TASOR2: variants seen among roughly 807,000 people sequenced by gnomAD.
TASOR2 encodes the protein transcription activation suppressor family member 2, also known as protein TASOR 2.
TASOR2 carries 84 observed loss-of-function variants against 199.5 expected under a neutral mutation model. The observed-to-expected ratio is 0.42, with a 90% confidence interval of 0.35 to 0.50. The LOEUF (loss-of-function observed/expected upper bound fraction) is 0.50, where lower values mean the gene tolerates loss of function less well. Ranked by LOEUF, TASOR2 falls within the 20% of genes least tolerant of loss-of-function variation. TASOR2 has a pLI of 0.02. For missense variants in TASOR2, 2,796 were observed against 2,835.9 expected, an observed-to-expected ratio of 0.99 and a Z score of 0.32; for synonymous variants, 1,103 against 1,046.6, an observed-to-expected ratio of 1.05 and a Z score of -1.04.
chr10:5,720,451 G>A lies in TASOR2; in HGVS notation c.-99-93G>A. The A allele has an allele frequency of 4.9e-6, 7 of 1,425,134 alleles. No homozygotes were observed. Among genetic ancestry groups the A allele is most frequent in the South Asian group, 4.8e-5 (3 of 62,498 alleles). 88.3% of individuals were successfully genotyped at this position (1,425,134 alleles called of 1,614,324 possible). A position where few individuals can be genotyped will look rare whatever the true frequency, so the allele number is the denominator to read the frequency against. ...CAAGATATATTTCTGACTCTAATGTGTTAAATTTCAGGGCTCGGTGGGGTT... is the reference window on the plus strand; with the variant it reads ...CAAGATATATTTCTGACTCTAATGTATTAAATTTCAGGGCTCGGTGGGGTT... On this transcript the variant is annotated intron_variant, in intron 3 of 20. Transcript: ENST00000328090. This position sits in a 1 kb window ranked among gnomAD's most constrained non-coding sequence, Gnocchi z 5.3.
At chr10:5,744,809 A>G (rs1836947210) in intron 14 of TASOR2, among the ~76,000 whole-genome samples, 1 of 152,122 alleles carries the variant, frequency 6.6e-6, no homozygotes, top group Non-Finnish European at 1.5e-5. Context: ...TTGTATTTTT[A>G]GTAGAGACTA....
chr10:5,761,509 A>C, intron 19 of TASOR2, 38 bp downstream of exon 20: 1 of 1,585,318 alleles, frequency 6.3e-7, no homozygotes, highest in South Asian at 1.1e-5. Context: ...TAATGCCAAA[A>C]TTGGTCAGCT....
rs1214146103 is a variant in TASOR2 at position 5,689,537 on chromosome 10, T to G, written c.-288+4362T>G. ...ATTGCTTGAACTCGGGAGGCAGAGG[T>G]TGCAGTGAGCAGAGATCACGCCACT... On this transcript the variant is annotated intron_variant, in intron 1 of 20. Coordinates refer to ENST00000328090, the Ensembl canonical transcript of TASOR2. The surrounding 1 kb of genome is among the most constrained non-coding windows in gnomAD (Gnocchi z 4.1). Among the ~76,000 whole-genome samples, 2 of 151,986 alleles carry G rather than the reference T, an allele frequency of 1.3e-5. No individual in the cohort carries two copies. The highest frequency in any genetic ancestry group is 4.8e-5 in the African/African-American group (2 of 41,364).
rs1483505182 is a variant in TASOR2, at chr10:5,706,652, A to G, written c.-287-6171A>G. 6.6e-6 allele frequency among the ~76,000 whole-genome samples: 1 copy of G among 152,234 alleles called. No individual in the cohort carries two copies. Among genetic ancestry groups the G allele is most frequent in the Admixed American group, 6.5e-5 (1 of 15,294 alleles). On this transcript the variant is annotated intron_variant, in intron 1 of 20. Coordinates refer to ENST00000328090, the Ensembl canonical transcript of TASOR2. The surrounding 1 kb of genome is among the most constrained non-coding windows in gnomAD (Gnocchi z 4.8). ...AATTCAGAAAAGCAAAACACGGTAT[A>G]AGGAAAGAACTTGACTACACAGTAT...
chr10:5,718,227 G>A (rs1024803608), intron 3 of TASOR2, among the ~76,000 whole-genome samples: 5 of 151,922 alleles, frequency 3.3e-5, no homozygotes, highest in Admixed American at 2.6e-4. Flanking sequence ...ACTGTTAAGT[G>A]AATCGTGCAA....
intron 15 of TASOR2, among the ~76,000 whole-genome samples, chr10:5,755,046 CAAAAAA>C (rs34884255): frequency 7.7e-5 from 6 of 78,106 alleles, no homozygotes; most frequent in South Asian, 4.8e-4. Context: ...ACTCTTGTCT[CAAAAAA>C]AAAAAAAAAA....
rs376771320 is a variant in TASOR2 at position 5,747,732 on chromosome 10, A to C, written c.4311A>C (p.Gln1437His). Residue 1437 changes from glutamine to histidine, a missense_variant, in exon 15 of 21, where the codon CAA (glutamine) becomes CAC (histidine). Coordinates refer to ENST00000328090, the Ensembl canonical transcript of TASOR2. ...GTACACAGTGTGAGAAGAGCAACCA[A>C]ATCTCCCAATGTGAGTCAGAAGACT... The C allele has an allele frequency of 1.2e-5, 20 of 1,614,062 alleles. No homozygotes were observed. The African/African-American group carries it at 1.6e-4, about 13-fold the overall frequency.
chr10:5,718,755 C>G (rs1165936327), intron 3 of TASOR2, among the ~76,000 whole-genome samples: 1 of 97,564 alleles, frequency 1.0e-5, no homozygotes, highest in Non-Finnish European at 2.2e-5. Flanking sequence ...ACAAAAAACT[C>G]TGTCTCAAAA....
chr10:5,723,595 A>G, intron 6 of TASOR2, 82 bp from the exon 8 acceptor site: 1 of 805,578 alleles, frequency 1.2e-6, no homozygotes, highest in South Asian at 2.9e-5. Flanking sequence ...TTTTGTTTAC[A>G]TTTATATTAG....
Position 5,748,078 on chromosome 10 carries a change from C to T in TASOR2, c.4657C>T (p.Gln1553Ter), listed in dbSNP as rs1837471235. 1 of 1,614,104 alleles carries T rather than the reference C, an allele frequency of 6.2e-7. No homozygotes were observed. The highest frequency in any genetic ancestry group is 1.3e-5 in the African/African-American group (1 of 74,934). The change falls in exon 15 of 21, where the codon CAG (glutamine) becomes TAG (stop). Residue 1553 changes from glutamine (Q) to a stop codon, truncating the protein, a stop_gained. Transcript: ENST00000328090. LOFTEE classifies it high-confidence loss of function. The surrounding 1 kb of genome is among the most constrained non-coding windows in gnomAD (Gnocchi z 5.1). ...ACTGGTAAAATCAGGAAATCCATTG[C>T]AGCCAGTTAGTATAGAGAATAGAAA...
intron 18 of TASOR2, among the ~76,000 whole-genome samples, chr10:5,759,264 A>G (rs1272497862): frequency 6.6e-6 from 1 of 152,178 alleles, no homozygotes; most frequent in Non-Finnish European, 1.5e-5. Context: ...CTACTACTAC[A>G]AACTTTAAAA....
intron 8 of TASOR2, among the ~76,000 whole-genome samples, chr10:5,726,140 A>G (rs78330325): frequency 0.031 from 4,673 of 152,236 alleles, 98 homozygotes; most frequent in South Asian, 0.082. Context: ...TTTATCTTTT[A>G]TGTGTATATA....
Position 5,740,343 on chromosome 10 carries a change from G to T in TASOR2, c.2173G>T (p.Ala725Ser). ...GAAGCCCAAGGATCGACCACCGTCT[G>T]CCCGTGTGAAAAAATCTTCTTGCTC... Residue 725 changes from alanine to serine, a missense_variant, in exon 13 of 21, where the codon GCC (alanine) becomes TCC (serine). Coordinates refer to ENST00000328090, the Ensembl canonical transcript of TASOR2. This position sits in a 1 kb window ranked among gnomAD's most constrained non-coding sequence, Gnocchi z 5.3. 6.2e-7 allele frequency: 1 copy of T among 1,614,186 alleles called. No homozygotes were observed. The highest frequency in any genetic ancestry group is 8.5e-7 in the Non-Finnish European group (1 of 1,180,050).
chr10:5,759,610 C>G (rs1322964540), intron 18 of TASOR2, among the ~76,000 whole-genome samples: 1 of 152,190 alleles, frequency 6.6e-6, no homozygotes, highest in Non-Finnish European at 1.5e-5. Context: ...GACTTCATCC[C>G]CAGGAGCTAG....
chr10:5,757,876 T>G (rs185959810), intron 17 of TASOR2, among the ~76,000 whole-genome samples: 11 of 152,244 alleles, frequency 7.2e-5, no homozygotes, highest in African/African-American at 2.6e-4. Flanking sequence ...TTTTAACTGA[T>G]TCTTACCACC....
rs1838198975 is a variant in TASOR2, at chr10:5,752,459, A to G, written c.6606+2432A>G. ...CATGAGGGGCCTGCAGGCCACGTGC[A>G]GGCCGTGTGTCGGCTCCACATGCCC... On this transcript the variant is annotated intron_variant, in intron 15 of 20. Transcript: ENST00000328090. The surrounding 1 kb of genome is among the most constrained non-coding windows in gnomAD (Gnocchi z 4.4). Among the ~76,000 whole-genome samples the G allele has an allele frequency of 6.6e-6, 1 of 152,114 alleles. No individual in the cohort carries two copies. Among genetic ancestry groups the G allele is most frequent in the South Asian group, 2.1e-4 (1 of 4,822 alleles).
Position 5,706,348 on chromosome 10 carries a change from C to A in TASOR2, c.-287-6475C>A, listed in dbSNP as rs911795171. Among the ~76,000 whole-genome samples, 2 of 152,118 alleles carry A rather than the reference C, an allele frequency of 1.3e-5. No individual in the cohort carries two copies. Among genetic ancestry groups the A allele is most frequent in the Non-Finnish European group, 2.9e-5 (2 of 68,024 alleles). On this transcript the variant is annotated intron_variant, in intron 1 of 20. Coordinates refer to ENST00000328090, the Ensembl canonical transcript of TASOR2. This position sits in a 1 kb window ranked among gnomAD's most constrained non-coding sequence, Gnocchi z 4.8. ...TCTTATATAAATTTTAGAATCAGATCATCAGTTTCTGCAAACTGAGATTGT... is the reference window on the plus strand; with the variant it reads ...TCTTATATAAATTTTAGAATCAGATAATCAGTTTCTGCAAACTGAGATTGT...
rs1278472669 is a variant in TASOR2 at position 5,754,604 on chromosome 10, G to T, written c.6607-2009G>T. Among the ~76,000 whole-genome samples the T allele has an allele frequency of 6.6e-6, 1 of 151,940 alleles. No individual in the cohort carries two copies. On this transcript the variant is annotated intron_variant, in intron 15 of 20. Transcript: ENST00000328090. This position sits in a 1 kb window ranked among gnomAD's most constrained non-coding sequence, Gnocchi z 4.3. Reference sequence around the variant, plus strand: ...GGGGTTTCACCATGTTGGCCAGGCTGGTCTCGAACTCCATAGCAGGAGTTC... The same window carrying T: ...GGGGTTTCACCATGTTGGCCAGGCTTGTCTCGAACTCCATAGCAGGAGTTC...
chr10:5,733,883 T>A (rs1588795967), intron 11 of TASOR2, among the ~76,000 whole-genome samples: 1 of 152,230 alleles, frequency 6.6e-6, no homozygotes. Context: ...TTAGTACTTA[T>A]TAATATAATA....
Sources: gnomAD v4.1 joint callset for allele counts (sites outside exome capture counted in the v4.1 genomes callset) on GRCh38, gnomAD v4.1.1 for gene constraint, Gnocchi (gnomAD v3.1) non-coding constraint, MANE v1.5 for transcripts, NCBI Gene and HGNC (gene_info 2026-07-23, HGNC 2026-07-21) for gene names.